The following MARCHF1 variants were observed in gnomAD, a reference collection of about 807,000 sequenced individuals.
The protein encoded by MARCHF1 is membrane associated ring-CH-type finger 1.
Under a neutral mutation model 54.2 loss-of-function variants are expected in MARCHF1, and 40 were observed. The observed-to-expected ratio is 0.74, with a 90% CI of 0.57 to 0.96. MARCHF1 has a LOEUF of 0.96. Ranked by LOEUF, MARCHF1 falls within the 40% of genes least tolerant of loss-of-function variation. The pLI is 0.00. For missense variants in MARCHF1, 586 were observed against 656.5 expected, an observed-to-expected ratio of 0.89 and a Z score of 1.17; for synonymous variants, 236 against 236.3, an observed-to-expected ratio of 1.00 and a Z score of 0.01.
intron 4 of MARCHF1, among the ~76,000 whole-genome samples, chr4:163,770,917 T>C (rs1561068445): frequency 6.6e-6 from 1 of 152,238 alleles, no homozygotes; most frequent in Admixed American, 6.5e-5. Context: ...CAGTAAGTTA[T>C]TGCAAAATTA....
chr4:163,868,888 A>C (rs1220272588), intron 3 of MARCHF1, among the ~76,000 whole-genome samples: 1 of 151,908 alleles, frequency 6.6e-6, no homozygotes, highest in Non-Finnish European at 1.5e-5. Flanking sequence ...TTTTTTTTTC[A>C]AAAAAGATGA....
chr4:163,857,106 A>AG (rs1289296887), intron 3 of MARCHF1, among the ~76,000 whole-genome samples: 177 of 149,612 alleles, frequency 1.2e-3, no homozygotes, highest in African/African-American at 4.0e-3. Flanking sequence ...AGGGAGAGAG[A>AG]GAAAAAAAAA....
Position 163,700,879 on chromosome 4 carries a change from G to A in MARCHF1, c.112-16C>T, listed in dbSNP as rs1196458184. The stretch of plus-strand genomic sequence containing the variant: ...ATTTTTCATTCTGAAAAATAAAATG[G>A]GAAACATTAATTAAAAGAAGGTATG... On this transcript the variant is annotated splice_polypyrimidine_tract_variant and intron_variant, in intron 4 of 9. Transcript: ENST00000514618. The A allele has an allele frequency of 2.0e-6, 3 of 1,524,920 alleles. No individual in the cohort carries two copies. The highest frequency in any genetic ancestry group is 1.4e-5 in the African/African-American group (1 of 72,602). 94.5% of individuals were successfully genotyped at this position (1,524,920 alleles called of 1,614,324 possible).
intron 5 of MARCHF1, among the ~76,000 whole-genome samples, chr4:163,668,405 T>C (rs1319198338): frequency 6.6e-6 from 1 of 152,094 alleles, no homozygotes; most frequent in Non-Finnish European, 1.5e-5. Flanking sequence ...AATGAAAAAA[T>C]ACTATTTCAT....
At chr4:163,808,460 C>A (rs191697536) in intron 4 of MARCHF1, among the ~76,000 whole-genome samples, 1 of 152,058 alleles carries the variant, frequency 6.6e-6, no homozygotes, top group African/African-American at 2.4e-5. Flanking sequence ...TTGGTTAACA[C>A]GAGTGTTTTT....
At chr4:164,284,314 G>A (rs1484926116) in intron 1 of MARCHF1, among the ~76,000 whole-genome samples, 3 of 144,928 alleles carry the variant, frequency 2.1e-5, no homozygotes, top group Non-Finnish European at 3.0e-5. Flanking sequence ...TTAAGCTAAA[G>A]AAAGTGAGAG....
chr4:163,988,757 G>A (rs1026984548), intron 2 of MARCHF1, 48 bp from the exon 3 acceptor site: 2 of 152,224 alleles, frequency 1.3e-5, no homozygotes, highest in Non-Finnish European at 2.9e-5. Context: ...TGCAGCAGAG[G>A]CCAGAGTCTT....
chr4:163,755,720 C>G (rs1019124116), intron 4 of MARCHF1, among the ~76,000 whole-genome samples: 1 of 151,700 alleles, frequency 6.6e-6, no homozygotes, highest in Admixed American at 6.6e-5. Context: ...AGTATGGAAG[C>G]CATGCTGTAT....
At chr4:163,549,680 ATTTT>A (rs34896630) in intron 8 of MARCHF1, among the ~76,000 whole-genome samples, 6 of 144,550 alleles carry the variant, frequency 4.2e-5, no homozygotes, top group Non-Finnish European at 1.5e-5. Context: ...CTTGCTTTTG[ATTTT>A]TTTTTTTTTT....
At chr4:163,835,976 A>T (rs141805462) in intron 4 of MARCHF1, among the ~76,000 whole-genome samples, 109 of 152,272 alleles carry the variant, frequency 7.2e-4, no homozygotes, top group African/African-American at 2.5e-3. Flanking sequence ...AAATAATATA[A>T]CAAAGGGCCC....
At chr4:163,750,752 T>G (rs62333008) in intron 4 of MARCHF1, among the ~76,000 whole-genome samples, 1 of 151,752 alleles carries the variant, frequency 6.6e-6, no homozygotes, top group African/African-American at 2.4e-5. Flanking sequence ...AAAGGACAAC[T>G]TAATTCTTGA....
chr4:163,808,105 T>A (rs1277036630), intron 4 of MARCHF1, among the ~76,000 whole-genome samples: 1 of 152,208 alleles, frequency 6.6e-6, no homozygotes, highest in Admixed American at 6.5e-5. Context: ...AGAAAACAAT[T>A]ACTTACACGC....
chr4:163,638,085 A>C (rs1379504820), intron 5 of MARCHF1, among the ~76,000 whole-genome samples: 2 of 109,588 alleles, frequency 1.8e-5, no homozygotes, highest in African/African-American at 3.7e-5. Flanking sequence ...CACTCTGGGG[A>C]CTGTTGTGGG....
chr4:164,139,480 G>T (rs1472850027), intron 1 of MARCHF1, among the ~76,000 whole-genome samples: 1 of 145,994 alleles, frequency 6.8e-6, no homozygotes, highest in African/African-American at 2.7e-5. Flanking sequence ...CAACAGCTGA[G>T]CTATCTAAAG....
chr4:163,689,179 A>G (rs555768983), intron 5 of MARCHF1, among the ~76,000 whole-genome samples: 1 of 152,318 alleles, frequency 6.6e-6, no homozygotes, highest in Admixed American at 6.5e-5. Context: ...TCTGGGGACC[A>G]TTTATGGTCA....
At chr4:163,554,591 G>A (rs1300500959) in intron 8 of MARCHF1, among the ~76,000 whole-genome samples, 1 of 152,178 alleles carries the variant, frequency 6.6e-6, no homozygotes, top group Non-Finnish European at 1.5e-5. Flanking sequence ...CCCCTGTCTG[G>A]CTTGGGTCAA....
intron 1 of MARCHF1, among the ~76,000 whole-genome samples, chr4:164,312,289 A>T (rs1734870974): frequency 6.6e-6 from 1 of 151,876 alleles, no homozygotes; most frequent in Non-Finnish European, 1.5e-5. Context: ...ACTAAAAGCA[A>T]ATGAAGCACC....
chr4:164,015,905 A>ACCCCC lies in MARCHF1; in HGVS notation c.-247-27197_-247-27196insGGGGG, dbSNP rs1560862831. Among the ~76,000 whole-genome samples the ACCCCC allele has an allele frequency of 1.2e-3, 176 of 152,012 alleles. 1 individual carries two copies. Among genetic ancestry groups the ACCCCC allele is most frequent in the African/African-American group, 4.2e-3 (173 of 41,464 alleles). On this transcript the variant is annotated intron_variant, in intron 2 of 9. Coordinates refer to ENST00000514618, the MANE Select transcript of MARCHF1 (RefSeq NM_001394959.1). ...GAAAACAGTATAAGTTTCCCCAAAAAAAAAAAAAACTAAAAACAGAACTAC... is the reference window on the plus strand; with the variant it reads ...GAAAACAGTATAAGTTTCCCCAAAAACCCCCAAAAAAAAACTAAAAACAGAACTAC...
Position 164,217,668 on chromosome 4 carries a change from T to C in MARCHF1, c.-322-106006A>G, listed in dbSNP as rs562537055. ...CTAATCCTGTCCCAGGAGCACATTCTGCCCCCAACCATTTATAAGGTCTGT... is the reference window on the plus strand; with the variant it reads ...CTAATCCTGTCCCAGGAGCACATTCCGCCCCCAACCATTTATAAGGTCTGT... On this transcript the variant is annotated intron_variant, in intron 1 of 9. Transcript: ENST00000514618. Among the ~76,000 whole-genome samples the C allele has an allele frequency of 7.9e-5, 12 of 152,334 alleles. No homozygotes were observed. The South Asian group carries it at 2.5e-3, about 32-fold the overall frequency.
Sources: gnomAD v4.1 joint callset for allele counts (sites outside exome capture counted in the v4.1 genomes callset) on GRCh38, gnomAD v4.1.1 for gene constraint, MANE v1.5 for transcripts, NCBI Gene and HGNC (gene_info 2026-07-23, HGNC 2026-07-21) for gene names.